Variants in GRIA3 observed in about 807,000 individuals in gnomAD.
GRIA3 encodes glutamate receptor 3.
Under a neutral mutation model 63.0 loss-of-function variants are expected in GRIA3, and 3 were observed. That is an observed-to-expected ratio of 0.05 (90% confidence interval 0.02 to 0.12). The LOEUF (loss-of-function observed/expected upper bound fraction) is 0.12. Among genes scored for constraint, GRIA3 ranks in the 10% least tolerant of loss-of-function variants. The pLI, the probability that GRIA3 is intolerant of heterozygous loss-of-function variation, is 1.00. For synonymous variants in GRIA3, 274 were observed against 257.9 expected (o/e 1.06, Z -0.60); for missense variants, 347 against 700.9 (o/e 0.50, Z 5.70).
chrX:123,431,929 C>G lies in GRIA3; in HGVS notation c.2076+3790C>G, dbSNP rs187496952. Among the ~76,000 whole-genome samples the G allele has an allele frequency of 2.5e-3, 279 of 111,304 alleles. 1 individual carries two copies. The highest frequency in any genetic ancestry group is 8.9e-3 in the African/African-American group (272 of 30,705). On this transcript the variant is annotated intron_variant, in intron 12 of 15. Transcript: ENST00000620443. ...CATTATTTGTTTGTTTTTTAAAACT[C>G]AAATAAGTATAGATTTACTTTTTTT... is the stretch of plus-strand genomic sequence containing the variant.
chrX:123,196,274 A>C (rs931215532), intron 2 of GRIA3, among the ~76,000 whole-genome samples: 1 of 111,640 alleles, frequency 9.0e-6, no homozygotes, highest in African/African-American at 3.3e-5. Context: ...AAACTAACCT[A>C]ACCCAATCTG....
At chrX:123,374,890 T>C (rs2045274224) in intron 5 of GRIA3, among the ~76,000 whole-genome samples, 1 of 112,206 alleles carries the variant, frequency 8.9e-6, no homozygotes, top group Admixed American at 9.4e-5. Flanking sequence ...CAACACTATG[T>C]TGAATAGGAG....
chrX:123,445,122 G>T (rs2045696526), intron 12 of GRIA3, among the ~76,000 whole-genome samples: 1 of 111,957 alleles, frequency 8.9e-6, no homozygotes, highest in African/African-American at 3.2e-5. Flanking sequence ...TTCATATGTG[G>T]TTAAGCTGGA....
At chrX:123,429,647 T>C (rs1569435373) in intron 12 of GRIA3, among the ~76,000 whole-genome samples, 1 of 111,883 alleles carries the variant, frequency 8.9e-6, no homozygotes, top group Non-Finnish European at 1.9e-5. Context: ...GGAAATCTGG[T>C]TTGATATCAA....
At chrX:123,260,734 C>T (rs974590514) in intron 3 of GRIA3, among the ~76,000 whole-genome samples, 12 of 107,891 alleles carry the variant, frequency 1.1e-4, no homozygotes, top group Non-Finnish European at 2.1e-4. Context: ...TTAGGAAGGC[C>T]CAGCGAGTAC....
intron 5 of GRIA3, among the ~76,000 whole-genome samples, chrX:123,382,039 GACAA>G (rs1489407857): frequency 8.9e-6 from 1 of 112,273 alleles, no homozygotes; most frequent in Non-Finnish European, 1.9e-5. Flanking sequence ...GAACCAGAGT[GACAA>G]ACAAGTCATA....
intron 3 of GRIA3, among the ~76,000 whole-genome samples, chrX:123,311,324 A>G (rs756839044): frequency 5.3e-5 from 6 of 112,446 alleles, no homozygotes; most frequent in African/African-American, 1.9e-4. Flanking sequence ...GAAGAAGTTA[A>G]AGCTGACCTT....
In GRIA3 at chrX:123,301,256, C is replaced by T. The variant is rs748804399; in HGVS notation, c.509-24770C>T. ...TTCTGTCTCAACAATCTGTCTAATC[C>T]TGTCAGTGGGGTGTTGAAGTATCCC... On this transcript the variant is annotated intron_variant, in intron 3 of 15. Transcript: ENST00000620443. Among the ~76,000 whole-genome samples, 10 of 111,178 alleles carry T rather than the reference C, an allele frequency of 9.0e-5. No homozygotes were observed. The South Asian group carries it at 1.5e-3, about 17-fold the overall frequency.
At chrX:123,244,314 C>T (rs1487113866) in intron 2 of GRIA3, among the ~76,000 whole-genome samples, 1 of 111,414 alleles carries the variant, frequency 9.0e-6, no homozygotes, top group Non-Finnish European at 1.9e-5. Context: ...GGGGAGGGAT[C>T]ATGATTTATA....
chrX:123,362,868 G>A (rs1157330926), intron 5 of GRIA3, among the ~76,000 whole-genome samples: 4 of 112,613 alleles, frequency 3.6e-5, no homozygotes, highest in Non-Finnish European at 3.8e-5. Context: ...GAGATGGCTC[G>A]CCATTGTAAC....
At chrX:123,333,337 A>G (rs1406622620) in intron 4 of GRIA3, among the ~76,000 whole-genome samples, 1 of 111,277 alleles carries the variant, frequency 9.0e-6, no homozygotes, top group Non-Finnish European at 1.9e-5. Context: ...AGGAAGGCAA[A>G]TGGGATCAGA....
chrX:123,185,567 CTT>C (rs1212357719), intron 1 of GRIA3, among the ~76,000 whole-genome samples: 2 of 109,786 alleles, frequency 1.8e-5, no homozygotes, highest in Non-Finnish European at 3.8e-5. Context: ...AAGTCTCACT[CTT>C]GGTTCCATCG....
At chrX:123,435,824 T>A (rs1196065983) in intron 12 of GRIA3, among the ~76,000 whole-genome samples, 2 of 112,233 alleles carry the variant, frequency 1.8e-5, no homozygotes, top group African/African-American at 6.5e-5. Flanking sequence ...TAGTTCCACA[T>A]CCACTGATGA....
Position 123,207,300 on chromosome X carries a change from A to G in GRIA3, c.268+21310A>G, listed in dbSNP as rs148773913. Among the ~76,000 whole-genome samples the G allele has an allele frequency of 3.0e-3, 331 of 112,018 alleles. 1 individual carries two copies. Among genetic ancestry groups the G allele is most frequent in the African/African-American group, 9.9e-3 (306 of 30,832 alleles). On this transcript the variant is annotated intron_variant, in intron 2 of 15. Coordinates refer to ENST00000620443, the MANE Select transcript of GRIA3 (RefSeq NM_007325.5). Reference sequence around the variant, plus strand: ...ATAGTATTGAGAATAATGAGTTAACATAGTGCTTCTTACATACCAGGCATC... The same window carrying G: ...ATAGTATTGAGAATAATGAGTTAACGTAGTGCTTCTTACATACCAGGCATC...
chrX:123,412,688 AGCCTTCTTCCACCT>A (rs778307758), intron 10 of GRIA3, among the ~76,000 whole-genome samples: 9 of 111,443 alleles, frequency 8.1e-5, no homozygotes, highest in South Asian at 7.6e-4. Flanking sequence ...GCTGTCCTTG[AGCCTTCTTCCACCT>A]GCCTTCTTCC....
chrX:123,407,291 A>G (rs1261419716), intron 10 of GRIA3, among the ~76,000 whole-genome samples: 1 of 111,646 alleles, frequency 9.0e-6, no homozygotes, highest in Non-Finnish European at 1.9e-5. Context: ...CTCTTTCTAC[A>G]TGTGAGAAAA....
intron 3 of GRIA3, among the ~76,000 whole-genome samples, chrX:123,260,529 G>GAAAGAAAGAAAGA (rs2044452941): frequency 1.8e-5 from 1 of 54,679 alleles, no homozygotes; most frequent in Non-Finnish European, 3.5e-5. Flanking sequence ...AGAAAGAAAG[G>GAAAGAAAGAAAGA]AAAGAAAGAA....
At position 123,483,222 on chromosome X, in the gene GRIA3, A is replaced by G. The variant is rs192550549; in HGVS notation, c.*2+176A>G. 6.4e-5 allele frequency among the ~76,000 whole-genome samples: 7 copies of G among 109,629 alleles called. No homozygotes were observed. In the East Asian group the frequency reaches 2.0e-3, roughly 31 times the overall value. On this transcript the variant is annotated intron_variant, in intron 15 of 15. Transcript: ENST00000620443. ...TCTTGTCAGGCAGTGGTGCTTTTCT[A>G]ATAGAATGGTTGTAATTAAATTGTG...
chrX:123,314,828 A>G (rs1246122531), intron 3 of GRIA3, among the ~76,000 whole-genome samples: 1 of 112,348 alleles, frequency 8.9e-6, no homozygotes, highest in Non-Finnish European at 1.9e-5. Context: ...CTATTGGAGT[A>G]CTTGGAATGC....
Sources: gnomAD v4.1 joint callset for allele counts (sites outside exome capture counted in the v4.1 genomes callset) on GRCh38, gnomAD v4.1.1 for gene constraint, MANE v1.5 for transcripts, NCBI Gene and HGNC (gene_info 2026-07-23, HGNC 2026-07-21) for gene names.